The following PATL2 variants were observed in gnomAD, a reference collection of about 807,000 sequenced individuals.
The protein encoded by PATL2 is PAT1 homolog 2.
Under a neutral mutation model 77.0 loss-of-function variants are expected in PATL2, and 73 were observed. The ratio of observed to expected loss-of-function variants is 0.95; its 90% CI spans 0.78 to 1.15. The LOEUF is 1.15. PATL2 is among the 50% of genes most tolerant of loss of function. The pLI is 0.00. For synonymous variants in PATL2, 265 were observed against 257.1 expected, an observed-to-expected ratio of 1.03 and a Z score of -0.29; for missense variants, 618 against 655.4, an observed-to-expected ratio of 0.94 and a Z score of 0.62.
chr15:44,669,942 G>A (rs1284175888), intron 10 of PATL2, 25 bp downstream of exon 10: 1 of 1,549,270 alleles, frequency 6.5e-7, no homozygotes, highest in African/African-American at 1.4e-5. Context: ...CCCAGCCCAA[G>A]TCAGCAGGTC....
intron 3 of PATL2, among the ~76,000 whole-genome samples, chr15:44,695,058 C>T (rs1301161392): frequency 7.9e-5 from 12 of 151,880 alleles, no homozygotes; most frequent in Non-Finnish European, 1.2e-4. Context: ...CGTGGTGGCA[C>T]GTGCCTGTAG....
Position 44,680,967 on chromosome 15 carries a change from G to A in PATL2, c.-75-4402C>T, listed in dbSNP as rs368007376. On this transcript the variant is annotated intron_variant, in intron 3 of 17. Transcript: ENST00000682850. The stretch of plus-strand genomic sequence containing the variant: ...TTCTCGGGCTTGAAAAAGTATATCT[G>A]GAGCTAACATTACTAGTTACTCCGC... 2.0e-5 allele frequency among the ~76,000 whole-genome samples: 3 copies of A among 152,208 alleles called. No individual in the cohort carries two copies. The East Asian group carries it at 5.8e-4, about 29-fold the overall frequency.
intron 3 of PATL2, among the ~76,000 whole-genome samples, chr15:44,690,712 T>G (rs1167283569): frequency 1.3e-5 from 2 of 152,146 alleles, no homozygotes; most frequent in Non-Finnish European, 2.9e-5. Context: ...TTTTTGTTGT[T>G]TCTGAAGATG....
At chr15:44,709,788 C>T (rs1208614195) in intron 3 of PATL2, among the ~76,000 whole-genome samples, 3 of 152,066 alleles carry the variant, frequency 2.0e-5, no homozygotes, top group Admixed American at 2.0e-4. Context: ...CAGAATCTAT[C>T]TGTAATGGAT....
intron 3 of PATL2, among the ~76,000 whole-genome samples, chr15:44,706,158 GC>G (rs2141273636): frequency 6.6e-6 from 1 of 152,270 alleles, no homozygotes; most frequent in Non-Finnish European, 1.5e-5. Flanking sequence ...TCTGGGATTG[GC>G]CTCTGGTGCC....
At chr15:44,705,554 T>C (rs145890478) in intron 3 of PATL2, among the ~76,000 whole-genome samples, 2,895 of 152,256 alleles carry the variant, frequency 0.019, 33 homozygotes, top group Middle Eastern at 0.031. Flanking sequence ...TTCTTTTTTA[T>C]TCTTTTTTCT....
chr15:44,667,440 A>G (rs1340574824), intron 15 of PATL2, among the ~76,000 whole-genome samples: 2 of 152,296 alleles, frequency 1.3e-5, no homozygotes, highest in East Asian at 3.9e-4. Context: ...GATTAAATGC[A>G]TACTTCTAGG....
In PATL2 at chr15:44,669,880, T is replaced by A; in HGVS notation, c.779-6A>T. 1 of 1,551,520 alleles carries A rather than the reference T, an allele frequency of 6.4e-7. No individual in the cohort carries two copies. Among genetic ancestry groups the A allele is most frequent in the East Asian group, 2.4e-5 (1 of 40,886 alleles). On this transcript the variant is annotated splice_region_variant and splice_polypyrimidine_tract_variant and intron_variant, in intron 10 of 17. Transcript: ENST00000682850. ...GGAACCCTCGATTCGGACCACTGCA[T>A]GAGAAGAGAGGCACATTTCCTTCCC...
At chr15:44,689,169 C>A (rs1391146984) in intron 3 of PATL2, among the ~76,000 whole-genome samples, 1 of 152,206 alleles carries the variant, frequency 6.6e-6, no homozygotes, top group East Asian at 1.9e-4. Flanking sequence ...GAGATACCAA[C>A]TCATGCCAGT....
At chr15:44,691,161 G>GT (rs1566865459) in intron 3 of PATL2, among the ~76,000 whole-genome samples, 1 of 151,918 alleles carries the variant, frequency 6.6e-6, no homozygotes, top group Non-Finnish European at 1.5e-5. Flanking sequence ...AAATGTTATT[G>GT]TTTTTCAAAA....
rs570107765 is a variant in PATL2 at position 44,670,485 on chromosome 15, C to A, written c.658-398G>T. Reference sequence around the variant, plus strand: ...CTGGGATTACAGGCGAGCCATTGTGCCCAGACAAGCACGGCCTCTTAACAC... The same window carrying A: ...CTGGGATTACAGGCGAGCCATTGTGACCAGACAAGCACGGCCTCTTAACAC... On this transcript the variant is annotated intron_variant, in intron 9 of 17. Coordinates refer to ENST00000682850, the MANE Select transcript of PATL2 (RefSeq NM_001387263.1). Among the ~76,000 whole-genome samples, 3 of 152,154 alleles carry A rather than the reference C, an allele frequency of 2.0e-5. No homozygotes were observed. In the East Asian group the frequency reaches 5.8e-4, roughly 29 times the overall value.
At chr15:44,705,285 C>T (rs1937649612) in intron 3 of PATL2, among the ~76,000 whole-genome samples, 2 of 152,024 alleles carry the variant, frequency 1.3e-5, no homozygotes, top group African/African-American at 4.8e-5. Flanking sequence ...CAGGTTCAAG[C>T]AATTCTCCTG....
Position 44,675,502 on chromosome 15 carries a change from G to C in PATL2, c.206C>G (p.Ala69Gly). 1 of 1,551,502 alleles carries C rather than the reference G, an allele frequency of 6.4e-7. No homozygotes were observed. Among genetic ancestry groups the C allele is most frequent in the Non-Finnish European group, 8.7e-7 (1 of 1,146,824 alleles). Reference protein sequence around the residue: ...NDLGDPAVLGAVHNTQRALLS... With the variant: ...NDLGDPAVLGGVHNTQRALLS... ...CCATGGTACCTGGGTGTTGTGGACA[G>C]CACCAAGTACAGCTGGATCCCCAAG... The change falls in exon 5 of 18, where the codon GCT becomes GGT. Residue 69 changes from alanine (A) to glycine (G), a missense_variant. Transcript: ENST00000682850.
At chr15:44,678,646 G>T (rs955873092) in intron 3 of PATL2, among the ~76,000 whole-genome samples, 1 of 152,122 alleles carries the variant, frequency 6.6e-6, no homozygotes, top group East Asian at 1.9e-4. Flanking sequence ...ACACAGGATT[G>T]TTGGGTCAGA....
At position 44,676,428 on chromosome 15, in the gene PATL2, T is replaced by C. The variant is rs758690041; in HGVS notation, c.16+47A>G. ...ATATGTGAAACAGACCAGCAACCTC[T>C]GCATGCTGGGGCATTTTATATAACA... On this transcript the variant is annotated intron_variant, in intron 4 of 17. Coordinates refer to ENST00000682850, the MANE Select transcript of PATL2 (RefSeq NM_001387263.1). 5.5e-6 allele frequency: 8 copies of C among 1,466,320 alleles called. No individual in the cohort carries two copies. The East Asian group carries it at 2.0e-4, about 36-fold the overall frequency. 90.8% of individuals were successfully genotyped at this position (1,466,320 alleles called of 1,614,324 possible).
intron 6 of PATL2, 56 bp from the exon 7 acceptor site, chr15:44,673,433 C>T: frequency 6.5e-7 from 1 of 1,540,210 alleles, no homozygotes; most frequent in Non-Finnish European, 8.8e-7. Flanking sequence ...AAGAATGCTG[C>T]TCTTGTTGTG....
intron 3 of PATL2, among the ~76,000 whole-genome samples, chr15:44,699,192 T>C (rs1045816288): frequency 6.6e-6 from 1 of 152,202 alleles, no homozygotes; most frequent in Admixed American, 6.5e-5. Context: ...TCCCATTCTG[T>C]AGGCTATCTC....
At chr15:44,680,135 A>G (rs1177134740) in intron 3 of PATL2, among the ~76,000 whole-genome samples, 2 of 152,104 alleles carry the variant, frequency 1.3e-5, no homozygotes, top group African/African-American at 4.8e-5. Flanking sequence ...ACTGGCCTTT[A>G]TGAGTTTCCC....
intron 3 of PATL2, among the ~76,000 whole-genome samples, chr15:44,687,186 C>T (rs2086278224): frequency 1.3e-5 from 2 of 152,172 alleles, no homozygotes; most frequent in Admixed American, 6.5e-5. Flanking sequence ...AATCCAGCAG[C>T]ACATCAAAAA....
Sources: allele counts gnomAD v4.1 joint callset (sites outside exome capture counted in the v4.1 genomes callset), GRCh38; gene constraint gnomAD v4.1.1; transcripts MANE v1.5; gene names NCBI Gene and HGNC (gene_info 2026-07-23, HGNC 2026-07-21).